Variants in BRWD3 observed in about 807,000 individuals in gnomAD.
BRWD3 encodes the protein bromodomain and WD repeat domain containing 3.
In BRWD3, 10 loss-of-function variants were observed where a neutral mutation model predicts 149.7. The observed-to-expected ratio is 0.07, with a 90% CI of 0.04 to 0.11. BRWD3 has a LOEUF of 0.11. Among genes scored for constraint, BRWD3 ranks in the 10% least tolerant of loss-of-function variants. The pLI, the probability that BRWD3 is intolerant of heterozygous loss-of-function variation, is 1.00. For missense variants in BRWD3, 940 were observed against 1,373.2 expected, an observed-to-expected ratio of 0.68 and a Z score of 4.99; for synonymous variants, 504 against 456.7, an observed-to-expected ratio of 1.10 and a Z score of -1.32.
At chrX:80,713,400 T>C (rs752145640) in intron 20 of BRWD3, among the ~76,000 whole-genome samples, 9 of 112,109 alleles carry the variant, frequency 8.0e-5, no homozygotes, top group Middle Eastern at 4.6e-3. Context: ...ACCCCAACCC[T>C]GTGCTCTCTG....
rs142470539 is a variant in BRWD3 at position 80,690,403 on chromosome X, A to T, written c.3603-311T>A. ...TGTTTAGTTTAGTTTTCAGGGGAAGAGCCAAGAAGAGCAAGAAAAAAAAAC... is the reference window on the plus strand; with the variant it reads ...TGTTTAGTTTAGTTTTCAGGGGAAGTGCCAAGAAGAGCAAGAAAAAAAAAC... On this transcript the variant is annotated intron_variant, in intron 31 of 40. Transcript: ENST00000373275. Among the ~76,000 whole-genome samples the T allele has an allele frequency of 0.041, 4,502 of 110,872 alleles. 87 individuals are homozygous for T. Among genetic ancestry groups the T allele is most frequent in the Non-Finnish European group, 0.06 (3,145 of 52,777 alleles).
chrX:80,758,272 G>T (rs1031359805), intron 6 of BRWD3, among the ~76,000 whole-genome samples: 1 of 111,926 alleles, frequency 8.9e-6, no homozygotes, highest in African/African-American at 3.2e-5. Flanking sequence ...ATTCTACTCT[G>T]CAAAGCTTGT....
At chrX:80,805,290 T>G (rs2074338573) in intron 4 of BRWD3, among the ~76,000 whole-genome samples, 1 of 111,620 alleles carries the variant, frequency 9.0e-6, no homozygotes, top group Non-Finnish European at 1.9e-5. Flanking sequence ...GAAATTCAAT[T>G]TATCATTACC....
intron 20 of BRWD3, among the ~76,000 whole-genome samples, chrX:80,714,425 T>C (rs913547123): frequency 1.5e-4 from 16 of 109,309 alleles, no homozygotes; most frequent in African/African-American, 5.3e-4. Context: ...ATCCAGACAT[T>C]CCTTTCTCTT....
chrX:80,700,450 A>ATATATATATATATATATAT (rs1482829141), intron 24 of BRWD3, among the ~76,000 whole-genome samples: 9 of 99,574 alleles, frequency 9.0e-5, no homozygotes, highest in African/African-American at 1.1e-4. Flanking sequence ...ATAACAATAC[A>ATATATATATATATATATAT]ATTAGGCCGG....
At chrX:80,761,527 A>G (rs2073802246) in intron 6 of BRWD3, among the ~76,000 whole-genome samples, 1 of 112,060 alleles carries the variant, frequency 8.9e-6, no homozygotes. Context: ...ATTTTATACT[A>G]AACTTAAGGT....
chrX:80,677,828 A>G (rs1041258291), intron 40 of BRWD3, among the ~76,000 whole-genome samples: 4 of 112,053 alleles, frequency 3.6e-5, no homozygotes, highest in Non-Finnish European at 7.5e-5. Context: ...TCACACAGAC[A>G]TGTTATAAAG....
At chrX:80,778,713 A>T (rs751422097) in intron 6 of BRWD3, among the ~76,000 whole-genome samples, 1 of 112,796 alleles carries the variant, frequency 8.9e-6, no homozygotes, top group South Asian at 3.6e-4. Context: ...TTTTTAAAAA[A>T]TTTGGCCAGG....
chrX:80,742,950 G>A (rs1358260551), intron 8 of BRWD3, among the ~76,000 whole-genome samples: 6 of 111,624 alleles, frequency 5.4e-5, no homozygotes, highest in African/African-American at 2.0e-4. Flanking sequence ...GGAGTGGTGA[G>A]AGAGGGTATC....
chrX:80,712,382 C>T (rs1222701386), intron 20 of BRWD3, among the ~76,000 whole-genome samples: 2 of 110,549 alleles, frequency 1.8e-5, no homozygotes, highest in Admixed American at 9.5e-5. Context: ...AGCTCCTAAT[C>T]GCGAGTGATC....
intron 29 of BRWD3, 42 bp downstream of exon 29, chrX:80,692,047 C>T: frequency 8.4e-7 from 1 of 1,189,894 alleles, no homozygotes; most frequent in African/African-American, 1.8e-5. Flanking sequence ...TACCATTTTA[C>T]TTTTAAAAGA....
At position 80,700,433 on chromosome X, in the gene BRWD3, G is replaced by GATATATAT. The variant is rs748889698; in HGVS notation, c.2836-377_2836-370dup. Among the ~76,000 whole-genome samples the GATATATAT allele has an allele frequency of 8.1e-4, 45 of 55,615 alleles. 1 individual carries two copies. Among genetic ancestry groups the GATATATAT allele is most frequent in the East Asian group, 6.0e-3 (11 of 1,827 alleles). 48.3% of individuals were successfully genotyped at this position (55,615 alleles called of 115,157 possible). On this transcript the variant is annotated intron_variant, in intron 24 of 40. Transcript: ENST00000373275. Reference sequence around the variant, plus strand: ...AATCAACTGCAGATTGAAAATATTTGATATATATAACAATACAATTAGGCC... The same window carrying GATATATAT: ...AATCAACTGCAGATTGAAAATATTTGATATATATATATATATAACAATACAATTAGGCC...
intron 24 of BRWD3, among the ~76,000 whole-genome samples, chrX:80,700,294 A>G (rs986404226): frequency 9.4e-6 from 1 of 106,595 alleles, no homozygotes; most frequent in African/African-American, 3.4e-5. Flanking sequence ...TTTCCCTTCA[A>G]TCAGCTTCAT....
At chrX:80,808,775 A>AGGG (rs2074377807) in intron 3 of BRWD3, among the ~76,000 whole-genome samples, 177 bp from the exon 4 acceptor site, 1 of 21,307 alleles carries the variant, frequency 4.7e-5, no homozygotes, top group Non-Finnish European at 8.9e-5. Flanking sequence ...GGGGGGGGGA[A>AGGG]GGGGGGTCGA....
chrX:80,730,988 A>T (rs958612701), intron 12 of BRWD3, among the ~76,000 whole-genome samples: 1 of 111,916 alleles, frequency 8.9e-6, no homozygotes, highest in African/African-American at 3.2e-5. Flanking sequence ...CACCATTATA[A>T]ATAATGCTGT....
chrX:80,750,857 TACACACACAC>T (rs59394410), intron 6 of BRWD3, among the ~76,000 whole-genome samples: 7 of 93,929 alleles, frequency 7.5e-5, no homozygotes, highest in African/African-American at 1.6e-4. Flanking sequence ...ATGTGTTTTA[TACACACACAC>T]ACACACACAC....
At chrX:80,695,805 T>A (rs1602314794) in intron 27 of BRWD3, 103 bp downstream of exon 27, 1 of 691,784 alleles carries the variant, frequency 1.4e-6, no homozygotes, top group East Asian at 3.5e-5. Flanking sequence ...TGGTAGCTTT[T>A]TTCAGCTAAA....
At chrX:80,800,449 A>AT (rs2074281206) in intron 4 of BRWD3, among the ~76,000 whole-genome samples, 2 of 104,715 alleles carry the variant, frequency 1.9e-5, no homozygotes, top group African/African-American at 7.0e-5. Context: ...CTGAGGTGGG[A>AT]GGATTGATTG....
At chrX:80,739,985 A>G (rs2073461164) in intron 8 of BRWD3, among the ~76,000 whole-genome samples, 1 of 111,964 alleles carries the variant, frequency 8.9e-6, no homozygotes. Context: ...GGCATATGAC[A>G]GTATGTCCCA....
Sources: allele counts gnomAD v4.1 joint callset (sites outside exome capture counted in the v4.1 genomes callset), GRCh38; gene constraint gnomAD v4.1.1; transcripts MANE v1.5; gene names NCBI Gene and HGNC (gene_info 2026-07-23, HGNC 2026-07-21).